Variants in TSHZ1 observed in about 807,000 individuals in gnomAD.
The protein encoded by TSHZ1 is teashirt zinc finger homeobox 1, also known as teashirt homolog 1.
TSHZ1 carries 12 observed loss-of-function variants against 67.1 expected under a neutral mutation model. The ratio of observed to expected loss-of-function variants is 0.18; its 90% CI spans 0.11 to 0.29. The LOEUF (loss-of-function observed/expected upper bound fraction) is 0.29, where lower values mean the gene tolerates loss of function less well. TSHZ1 is among the 10% of genes least tolerant of loss of function. The pLI is 1.00. For missense variants in TSHZ1, 1,305 were observed against 1,413.9 expected (o/e 0.92, Z 1.23); for synonymous variants, 632 against 622.4 (o/e 1.02, Z -0.23).
Position 75,277,046 on chromosome 18 carries a change from TCTTC to T in TSHZ1, c.41-8395_41-8392del, listed in dbSNP as rs1442650373. 2.0e-5 allele frequency among the ~76,000 whole-genome samples: 3 copies of T among 152,340 alleles called. No individual in the cohort carries two copies. The East Asian group carries it at 5.8e-4, about 29-fold the overall frequency. The stretch of plus-strand genomic sequence containing the variant: ...CCTGGTGTGGGTTTCCCCACCTCTC[TCTTC>T]CTTCCTCTGTTCTTTGGCAGACGCT... On this transcript the variant is annotated intron_variant, in intron 1 of 1. Transcript: ENST00000580243.
intron 1 of TSHZ1, among the ~76,000 whole-genome samples, chr18:75,237,818 T>G (rs2023096756): frequency 6.6e-6 from 1 of 151,656 alleles, no homozygotes; most frequent in Non-Finnish European, 1.5e-5. Context: ...ATTTATTTAT[T>G]TATTTATTTT....
intron 1 of TSHZ1, among the ~76,000 whole-genome samples, chr18:75,259,896 C>T (rs556342727): frequency 1.3e-5 from 2 of 152,206 alleles, no homozygotes; most frequent in East Asian, 3.9e-4. Context: ...AAAGAGTATG[C>T]GTACTTTTAA....
At chr18:75,251,493 G>GCTT (rs777776955) in intron 1 of TSHZ1, among the ~76,000 whole-genome samples, 1 of 139,428 alleles carries the variant, frequency 7.2e-6, no homozygotes, top group Non-Finnish European at 1.5e-5. Flanking sequence ...TTTCTTTAGG[G>GCTT]TTTTTTTTTT....
chr18:75,250,055 G>T (rs1348704050), intron 1 of TSHZ1, among the ~76,000 whole-genome samples: 1 of 150,824 alleles, frequency 6.6e-6, no homozygotes, highest in Non-Finnish European at 1.5e-5. Flanking sequence ...TGCAGTAGGT[G>T]GGGGGTGGGG....
chr18:75,244,139 G>C (rs1373642376), intron 1 of TSHZ1, among the ~76,000 whole-genome samples: 1 of 152,198 alleles, frequency 6.6e-6, no homozygotes, highest in Non-Finnish European at 1.5e-5. Flanking sequence ...TGGTGGAGCT[G>C]CACTGTCGGG....
rs985119485 is a variant in TSHZ1, at chr18:75,281,354, T to A, written c.41-4094T>A. Reference sequence around the variant, plus strand: ...GGAGATTCAGAAGGAGGAGAAAGTGTGCTGTTGTTTTGAGGAGGAGGGTGC... The same window carrying A: ...GGAGATTCAGAAGGAGGAGAAAGTGAGCTGTTGTTTTGAGGAGGAGGGTGC... On this transcript the variant is annotated intron_variant, in intron 1 of 1. Transcript: ENST00000580243. This position sits in a 1 kb window ranked among gnomAD's most constrained non-coding sequence, Gnocchi z 5.3. Among the ~76,000 whole-genome samples the A allele has an allele frequency of 2.6e-5, 4 of 152,102 alleles. No individual in the cohort carries two copies. The highest frequency in any genetic ancestry group is 4.4e-5 in the Non-Finnish European group (3 of 67,996).
chr18:75,228,335 G>T (rs2022952442), intron 1 of TSHZ1, among the ~76,000 whole-genome samples: 1 of 152,186 alleles, frequency 6.6e-6, no homozygotes, highest in South Asian at 2.1e-4. Context: ...CCATAGACAT[G>T]TACATTAAAG....
At position 75,238,839 on chromosome 18, in the gene TSHZ1, G is replaced by A. The variant is rs180695993; in HGVS notation, c.40+26923G>A. Among the ~76,000 whole-genome samples, 60 of 152,352 alleles carry A rather than the reference G, an allele frequency of 3.9e-4. No homozygotes were observed. The East Asian group carries it at 5.2e-3, about 13-fold the overall frequency. ...AAAATAACTTGATTTTTAATTTGTT[G>A]CCTGACACATCTGTTTTCCTGCATC... On this transcript the variant is annotated intron_variant, in intron 1 of 1. Coordinates refer to ENST00000580243, the MANE Select transcript of TSHZ1 (RefSeq NM_001308210.2).
chr18:75,283,453 A>G (rs1271523355), intron 1 of TSHZ1: 3 of 152,238 alleles, frequency 2.0e-5, no homozygotes, highest in South Asian at 4.1e-4. Flanking sequence ...GAGTCATAGA[A>G]TCATCTAGAA....
chr18:75,279,062 C>G (rs1028906105), intron 1 of TSHZ1, among the ~76,000 whole-genome samples: 1 of 152,118 alleles, frequency 6.6e-6, no homozygotes. Context: ...GCACTTCAGC[C>G]TCAGGGCCCC....
At chr18:75,213,177 A>T (rs951199518) in intron 1 of TSHZ1, among the ~76,000 whole-genome samples, 1 of 152,242 alleles carries the variant, frequency 6.6e-6, no homozygotes. Context: ...TGGGAATAGT[A>T]TCTACGTTTA....
In TSHZ1 at chr18:75,288,336, T is replaced by G; in HGVS notation, c.2929T>G (p.Ser977Ala). The G allele has an allele frequency of 6.2e-7, 1 of 1,614,212 alleles. No individual in the cohort carries two copies. The highest frequency in any genetic ancestry group is 8.5e-7 in the Non-Finnish European group (1 of 1,180,038). The stretch of plus-strand genomic sequence containing the variant: ...TGTTTTCTTTTGCAACGATTGTGCC[T>G]CTCAGTTCAGAACTGCTTCTACATA... The part of the protein sequence containing the change: ...HPVFFCNDCA[S>A]QFRTASTYIS... Residue 977 changes from serine to alanine, a missense_variant, in exon 2 of 2, where the codon TCT (serine) becomes GCT (alanine). By Grantham distance (99) the Ser-to-Ala change is moderately conservative (BLOSUM62 1). Transcript: ENST00000580243. This position sits in a 1 kb window ranked among gnomAD's most constrained non-coding sequence, Gnocchi z 4.9.
intron 1 of TSHZ1, among the ~76,000 whole-genome samples, chr18:75,222,756 C>T (rs746530183): frequency 2.0e-5 from 3 of 152,160 alleles, no homozygotes; most frequent in African/African-American, 2.4e-5. Flanking sequence ...GAGACACATT[C>T]GAATCCAGTA....
At chr18:75,256,844 G>A (rs959927164) in intron 1 of TSHZ1, among the ~76,000 whole-genome samples, 1 of 152,130 alleles carries the variant, frequency 6.6e-6, no homozygotes, top group South Asian at 2.1e-4. Flanking sequence ...TTCCACACCC[G>A]AATACAACCT....
At chr18:75,234,480 C>T (rs1208979699) in intron 1 of TSHZ1, among the ~76,000 whole-genome samples, 1 of 152,060 alleles carries the variant, frequency 6.6e-6, no homozygotes, top group African/African-American at 2.4e-5. Context: ...GACAATTGCT[C>T]CAAAATCTAA....
At position 75,240,119 on chromosome 18, in the gene TSHZ1, A is replaced by G. The variant is rs182006110; in HGVS notation, c.40+28203A>G. Among the ~76,000 whole-genome samples the G allele has an allele frequency of 2.0e-5, 3 of 152,354 alleles. No homozygotes were observed. In the East Asian group the frequency reaches 5.8e-4, roughly 29 times the overall value. On this transcript the variant is annotated intron_variant, in intron 1 of 1. Transcript: ENST00000580243. ...TTATGAACTTTTGACCTTAGGGAAT[A>G]TAAATATCCTTGGAGAGTTTAACGT...
chr18:75,239,293 G>T (rs9953411), intron 1 of TSHZ1, among the ~76,000 whole-genome samples: 5,972 of 152,276 alleles, frequency 0.039, 175 homozygotes, highest in African/African-American at 0.083. Flanking sequence ...TGTATTAATG[G>T]TTTTATTTTA....
At chr18:75,221,595 T>C (rs191054113) in intron 1 of TSHZ1, among the ~76,000 whole-genome samples, 26 of 152,334 alleles carry the variant, frequency 1.7e-4, no homozygotes, top group African/African-American at 5.8e-4. Context: ...GGCTTTAAAA[T>C]ATATGGATTT....
intron 1 of TSHZ1, among the ~76,000 whole-genome samples, chr18:75,266,007 A>G (rs1599048502): frequency 6.6e-6 from 1 of 152,340 alleles, no homozygotes; most frequent in East Asian, 1.9e-4. Context: ...AGCAAATGGT[A>G]TCAACATTGT....
Sources: allele counts gnomAD v4.1 joint callset (sites outside exome capture counted in the v4.1 genomes callset), GRCh38; gene constraint gnomAD v4.1.1; non-coding constraint Gnocchi (gnomAD v3.1); transcripts MANE v1.5; gene names NCBI Gene and HGNC (gene_info 2026-07-23, HGNC 2026-07-21).